The following VPS13A variants were observed in gnomAD, a reference collection of about 807,000 sequenced individuals.
VPS13A encodes vacuolar protein sorting 13 homolog A.
VPS13A carries 264 observed loss-of-function variants against 390.9 expected under a neutral mutation model. The observed-to-expected ratio is 0.68, with a 90% CI of 0.61 to 0.75. The LOEUF is 0.75. Among genes scored for constraint, VPS13A ranks in the 30% least tolerant of loss-of-function variants. The pLI, the probability that VPS13A is intolerant of heterozygous loss-of-function variation, is 0.00. For missense variants in VPS13A, 3,409 were observed against 3,733.9 expected (o/e 0.91, Z 2.27); for synonymous variants, 1,231 against 1,227.1 (o/e 1.00, Z -0.07).
At chr9:77,185,925 G>A (rs970491783) in intron 1 of VPS13A, among the ~76,000 whole-genome samples, 1 of 152,090 alleles carries the variant, frequency 6.6e-6, no homozygotes, top group Non-Finnish European at 1.5e-5. Flanking sequence ...TTAAGAGTAC[G>A]AGACCTGCCT....
chr9:77,278,130 G>A (rs184129988), intron 26 of VPS13A, among the ~76,000 whole-genome samples: 58 of 151,942 alleles, frequency 3.8e-4, no homozygotes, highest in Admixed American at 2.0e-3. Context: ...GAGTGCAGTG[G>A]CATGATCTCG....
chr9:77,195,362 G>C (rs1824928885), intron 1 of VPS13A, among the ~76,000 whole-genome samples: 1 of 152,178 alleles, frequency 6.6e-6, no homozygotes, highest in African/African-American at 2.4e-5. Flanking sequence ...CTGACCTCGT[G>C]ATCTGCCTGC....
At chr9:77,407,314 A>AACTT (rs1834668223) in intron 70 of VPS13A, among the ~76,000 whole-genome samples, 1 of 152,182 alleles carries the variant, frequency 6.6e-6, no homozygotes, top group Admixed American at 6.5e-5. Flanking sequence ...TAAGCTTTTT[A>AACTT]ACTTAGGTTT....
intron 68 of VPS13A, among the ~76,000 whole-genome samples, chr9:77,396,687 C>T (rs1361453504): frequency 6.6e-6 from 1 of 152,126 alleles, no homozygotes; most frequent in African/African-American, 2.4e-5. Flanking sequence ...AAAAATTCAT[C>T]ATAAAACTCT....
chr9:77,205,053 A>G (rs967969789), intron 3 of VPS13A, among the ~76,000 whole-genome samples: 5 of 152,200 alleles, frequency 3.3e-5, no homozygotes, highest in Admixed American at 3.3e-4. Context: ...TGGTACAGAG[A>G]ACTGTAAATA....
chr9:77,399,004 C>T (rs1266187350), intron 68 of VPS13A, among the ~76,000 whole-genome samples: 5 of 92,606 alleles, frequency 5.4e-5, no homozygotes, highest in Non-Finnish European at 7.8e-5. Flanking sequence ...ATATCACACT[C>T]TGGGGACTGT....
intron 68 of VPS13A, chr9:77,382,642 C>T (rs746962705): frequency 9.9e-6 from 10 of 1,008,334 alleles, no homozygotes; most frequent in Non-Finnish European, 1.2e-5. Context: ...GAAGGAAAAG[C>T]AAAACTCAGG....
chr9:77,336,443 GACT>G (rs1448668975), intron 46 of VPS13A, among the ~76,000 whole-genome samples: 1 of 151,708 alleles, frequency 6.6e-6, no homozygotes, highest in Non-Finnish European at 1.5e-5. Flanking sequence ...CGCATCTATT[GACT>G]ACGTTTTAAT....
At chr9:77,401,132 CA>C (rs1427299843) in intron 68 of VPS13A, among the ~76,000 whole-genome samples, 1 of 152,068 alleles carries the variant, frequency 6.6e-6, no homozygotes, top group Non-Finnish European at 1.5e-5. Flanking sequence ...TATACTTTAC[CA>C]CCACCAAACT....
chr9:77,244,471 G>C (rs1824691265), intron 19 of VPS13A, among the ~76,000 whole-genome samples: 1 of 152,072 alleles, frequency 6.6e-6, no homozygotes, highest in Admixed American at 6.6e-5. Flanking sequence ...AATATTCATG[G>C]GGCAATGTCT....
At chr9:77,337,201 T>G (rs1830585079) in intron 46 of VPS13A, 54 bp from the exon 47 acceptor site, 4 of 1,507,390 alleles carry the variant, frequency 2.7e-6, no homozygotes, top group African/African-American at 1.4e-5. Flanking sequence ...AATTATATAG[T>G]TTAATATGTT....
intron 19 of VPS13A, among the ~76,000 whole-genome samples, chr9:77,239,132 T>G (rs78742450): frequency 0.015 from 2,338 of 152,140 alleles, 40 homozygotes; most frequent in African/African-American, 0.042. Context: ...GAAAAATGCC[T>G]CATTATCAAT....
chr9:77,248,858 A>G lies in VPS13A; in HGVS notation c.2038-1239A>G, dbSNP rs140048180. Among the ~76,000 whole-genome samples the G allele has an allele frequency of 1.6e-4, 24 of 152,220 alleles. No individual in the cohort carries two copies. In the East Asian group the frequency reaches 4.5e-3, roughly 28 times the overall value. ...GTGATTCTTCTGCCTCAGCCTCCCAAGTAGCTGGGATTTCAGGCGTGTGCC... is the reference window on the plus strand; with the variant it reads ...GTGATTCTTCTGCCTCAGCCTCCCAGGTAGCTGGGATTTCAGGCGTGTGCC... On this transcript the variant is annotated intron_variant, in intron 20 of 71. Coordinates refer to ENST00000360280, the MANE Select transcript of VPS13A (RefSeq NM_033305.3).
intron 22 of VPS13A, among the ~76,000 whole-genome samples, chr9:77,255,482 T>C (rs1449926043): frequency 6.6e-6 from 1 of 152,164 alleles, no homozygotes; most frequent in Non-Finnish European, 1.5e-5. Context: ...TGCATTAATA[T>C]TTTTCAGATA....
At chr9:77,248,411 G>A (rs62573197) in intron 20 of VPS13A, among the ~76,000 whole-genome samples, 8,646 of 151,560 alleles carry the variant, frequency 0.057, 291 homozygotes, top group Non-Finnish European at 0.082. Context: ...GTAGAGACTG[G>A]GTTTCACCAT....
intron 67 of VPS13A, among the ~76,000 whole-genome samples, chr9:77,379,666 G>A (rs1002420956): frequency 2.0e-5 from 3 of 152,148 alleles, no homozygotes; most frequent in Admixed American, 1.3e-4. Flanking sequence ...GAGCCACCAC[G>A]CCTGGCCTAT....
intron 67 of VPS13A, among the ~76,000 whole-genome samples, chr9:77,375,325 G>T (rs931434940): frequency 5.3e-5 from 8 of 152,092 alleles, no homozygotes; most frequent in Non-Finnish European, 8.8e-5. Context: ...TGGGTTACAA[G>T]ATTCAAAGAT....
intron 48 of VPS13A, 116 bp from the exon 49 acceptor site, chr9:77,340,062 G>C (rs1830732427): frequency 7.5e-7 from 1 of 1,327,634 alleles, no homozygotes; most frequent in Admixed American, 1.8e-5. Context: ...ATATTATAAA[G>C]GTTTAGTGCA....
intron 35 of VPS13A, among the ~76,000 whole-genome samples, chr9:77,311,203 C>T (rs1025641374): frequency 6.6e-6 from 1 of 152,042 alleles, no homozygotes; most frequent in Non-Finnish European, 1.5e-5. Context: ...GGATTACAGG[C>T]GTGAGCCACC....
Sources: gnomAD v4.1 joint callset for allele counts (sites outside exome capture counted in the v4.1 genomes callset) on GRCh38, gnomAD v4.1.1 for gene constraint, MANE v1.5 for transcripts, NCBI Gene and HGNC (gene_info 2026-07-23, HGNC 2026-07-21) for gene names.